The following PLEKHG6 variants were observed in gnomAD, a reference collection of about 807,000 sequenced individuals.
The protein encoded by PLEKHG6 is pleckstrin homology and RhoGEF domain containing G6.
In PLEKHG6, 91 loss-of-function variants were observed where a neutral mutation model predicts 97.5. The observed-to-expected ratio is 0.93, with a 90% CI of 0.79 to 1.11. PLEKHG6 has a LOEUF of 1.11. PLEKHG6 is among the 50% of genes most tolerant of loss of function. The probability of loss-of-function intolerance (pLI) is 0.00; values close to 1 mark genes in which losing one functional copy is unlikely to be tolerated. For synonymous variants in PLEKHG6, 466 were observed against 425.5 expected, an observed-to-expected ratio of 1.10 and a Z score of -1.17; for missense variants, 1,044 against 1,031.0, an observed-to-expected ratio of 1.01 and a Z score of -0.17.
intron 13 of PLEKHG6, among the ~76,000 whole-genome samples, chr12:6,325,463 CG>C (rs1184537521): frequency 6.6e-6 from 1 of 152,166 alleles, no homozygotes; most frequent in African/African-American, 2.4e-5. Flanking sequence ...TCTCAGGTGG[CG>C]CTATTTCCTT....
chr12:6,318,138 T>C (rs1947554883), intron 10 of PLEKHG6, 144 bp downstream of exon 10: 3 of 1,371,502 alleles, frequency 2.2e-6, no homozygotes. Context: ...GTCCAAGGGG[T>C]ACAGGTCAGA....
intron 13 of PLEKHG6, among the ~76,000 whole-genome samples, chr12:6,323,664 G>A (rs578253223): frequency 6.6e-6 from 1 of 152,354 alleles, no homozygotes; most frequent in African/African-American, 2.4e-5. Flanking sequence ...GGAGGCAGCC[G>A]AGGCTAAGAG....
At position 6,326,486 on chromosome 12, in the gene PLEKHG6, C is replaced by A; in HGVS notation, c.1583C>A (p.Thr528Asn). 1 of 1,611,408 alleles carries A rather than the reference C, an allele frequency of 6.2e-7. No homozygotes were observed. Among genetic ancestry groups the A allele is most frequent in the South Asian group, 1.1e-5 (1 of 90,816 alleles). Residue 528 changes from threonine to asparagine, a missense_variant, in exon 14 of 16, where the codon ACC becomes AAC. Transcript: ENST00000684764. Reference protein sequence around the residue: ...EYVQQKRELLTLYRDQDRESP... With the variant: ...EYVQQKRELLNLYRDQDRESP... ...GTTCAACAGAAGAGGGAGCTCCTGA[C>A]CCTCTATCGGGACCAGGACAGGGAG...
chr12:6,313,359 G>A (rs1947339391), intron 2 of PLEKHG6, among the ~76,000 whole-genome samples: 2 of 152,200 alleles, frequency 1.3e-5, no homozygotes, highest in South Asian at 2.1e-4. Flanking sequence ...CTGTGCACCT[G>A]CTCGGCAGGA....
chr12:6,327,868 C>A lies in PLEKHG6; in HGVS notation c.2285C>A (p.Pro762Gln). 6.7e-7 allele frequency: 1 copy of A among 1,500,292 alleles called. No individual in the cohort carries two copies. Among genetic ancestry groups the A allele is most frequent in the Non-Finnish European group, 8.9e-7 (1 of 1,125,788 alleles). 92.9% of individuals were successfully genotyped at this position (1,500,292 alleles called of 1,614,324 possible). The change falls in exon 15 of 16, where the codon CCA (proline) becomes CAA (glutamine). Residue 762 changes from proline (P) to glutamine (Q), a missense_variant. By Grantham distance (76) the Pro-to-Gln change is moderately conservative. Coordinates refer to ENST00000684764, the MANE Select transcript of PLEKHG6 (RefSeq NM_001384598.1). ...EGAEEPRDSR[P>Q]RKLTRAQLQR... ...GCCGAGGAGCCCCGGGACAGCAGGC[C>A]ACGGAAGCTGACTCGGGCCCAGCTG...
In PLEKHG6 at chr12:6,316,454, C is replaced by G. The variant is rs114480368; in HGVS notation, c.756+50C>G. ...TGGATGGGGCAGGACTCGGAGCCCT[C>G]GGGGGTCCTGTGTGTAGGGCATGCC... is the stretch of plus-strand genomic sequence containing the variant. On this transcript the variant is annotated intron_variant, in intron 7 of 15. Coordinates refer to ENST00000684764, the MANE Select transcript of PLEKHG6 (RefSeq NM_001384598.1). This position sits in a 1 kb window ranked among gnomAD's most constrained non-coding sequence, Gnocchi z 4.1. 5.3e-6 allele frequency: 8 copies of G among 1,500,468 alleles called. No homozygotes were observed. Among genetic ancestry groups the G allele is most frequent in the African/African-American group, 1.4e-5 (1 of 71,914 alleles). 92.9% of individuals were successfully genotyped at this position (1,500,468 alleles called of 1,614,324 possible).
intron 13 of PLEKHG6, chr12:6,319,366 T>C: frequency 1.5e-6 from 1 of 666,328 alleles, no homozygotes; most frequent in Non-Finnish European, 2.5e-6. Flanking sequence ...GAGAATCACT[T>C]GAGCCCGGGA....
intron 3 of PLEKHG6, 35 bp from the exon 4 acceptor site, chr12:6,314,970 G>A: frequency 6.3e-7 from 1 of 1,599,864 alleles, no homozygotes; most frequent in Non-Finnish European, 8.5e-7. Flanking sequence ...TGCCAAGGAT[G>A]TGACCAGAGC....
Position 6,318,858 on chromosome 12 carries a change from C to T in PLEKHG6, c.1389C>T (p.Cys463=). The T allele has an allele frequency of 6.2e-7, 1 of 1,614,218 alleles. No individual in the cohort carries two copies. Among genetic ancestry groups the T allele is most frequent in the East Asian group, 2.2e-5 (1 of 44,882 alleles). ...RPPLMLEKLV[C]QPLRDPNSFL... ...CTCTCATGCTGGAGAAGCTCGTGTG[C>T]CAACCCCTGCGAGACCCCAGTACGT... The change falls in exon 12 of 16, where the codon TGC becomes TGT. Residue 463 remains cysteine, a synonymous_variant. Coordinates refer to ENST00000684764, the MANE Select transcript of PLEKHG6 (RefSeq NM_001384598.1).
At position 6,326,556 on chromosome 12, in the gene PLEKHG6, G is replaced by A; in HGVS notation, c.1653G>A (p.Gln551=). 6.4e-7 allele frequency: 1 copy of A among 1,556,854 alleles called. No individual in the cohort carries two copies. Among genetic ancestry groups the A allele is most frequent in the Non-Finnish European group, 8.6e-7 (1 of 1,156,884 alleles). Residue 551 remains glutamine, a synonymous_variant, in exon 14 of 16, where the codon CAG becomes CAA. Coordinates refer to ENST00000684764, the MANE Select transcript of PLEKHG6 (RefSeq NM_001384598.1). ...CCACGCCTTCCCTGGAGGGCTCTCA[G>A]AGCAGCGCAGAGGGGAGGTAAGGCT... The part of the protein sequence containing the change: ...RPSTPSLEGS[Q]SSAEGRTPEF...
chr12:6,324,987 G>A (rs940203528), intron 13 of PLEKHG6, among the ~76,000 whole-genome samples: 2 of 152,210 alleles, frequency 1.3e-5, no homozygotes, highest in African/African-American at 4.8e-5. Context: ...GGGGATGGGG[G>A]AAGTGGTTGA....
At chr12:6,319,141 C>G in intron 13 of PLEKHG6, 33 bp downstream of exon 13, 1 of 1,449,536 alleles carries the variant, frequency 6.9e-7, no homozygotes, top group Non-Finnish European at 9.6e-7. Context: ...GAGGCATGGG[C>G]AGGGGTCCCC....
intron 1 of PLEKHG6, 170 bp downstream of exon 1, chr12:6,311,018 C>T (rs1341570915): frequency 6.6e-6 from 1 of 152,334 alleles, no homozygotes; most frequent in Non-Finnish European, 1.5e-5. Context: ...GGAGACAGCG[C>T]CCTCAGAGGG....
Position 6,317,887 on chromosome 12 carries a change from A to G in PLEKHG6, c.1048A>G (p.Ile350Val), listed in dbSNP as rs539641667. Residue 350 changes from isoleucine (I) to valine (V), a missense_variant, in exon 10 of 16, where the codon ATC becomes GTC. Ile to Val is a conservative substitution (Grantham distance 29). Coordinates refer to ENST00000684764, the MANE Select transcript of PLEKHG6 (RefSeq NM_001384598.1). ...IEAVESFLRH[I>V]NGQVRQGEEQ... ...AGCCGTGGAGTCATTCCTGCGACACATCAATGGGCAGGTCCGCCAGGGCGA... is the reference window on the plus strand; with the variant it reads ...AGCCGTGGAGTCATTCCTGCGACACGTCAATGGGCAGGTCCGCCAGGGCGA... 2.6e-6 allele frequency: 4 copies of G among 1,557,066 alleles called. No homozygotes were observed. In the East Asian group the frequency reaches 7.2e-5, roughly 28 times the overall value.
At chr12:6,314,927 C>T (rs1227157694) in intron 3 of PLEKHG6, 78 bp from the exon 4 acceptor site, 3 of 1,394,220 alleles carry the variant, frequency 2.2e-6, no homozygotes, top group Non-Finnish European at 3.0e-6. Context: ...CACATGCACA[C>T]ACACACAGCC....
At chr12:6,328,069 T>C in intron 15 of PLEKHG6, 67 bp from the exon 16 acceptor site, 1 of 1,605,308 alleles carries the variant, frequency 6.2e-7, no homozygotes, top group Non-Finnish European at 8.5e-7. Context: ...GCTCTCCGCC[T>C]CACTCTTCAC....
In PLEKHG6 at chr12:6,314,893, CAG is replaced by C. The variant is rs1947399279; in HGVS notation, c.295-110_295-109del. ...TGCTTGCCATCTCCCATTCCAGACACAGACACACGCACACACTTTAACACACA... is the reference window on the plus strand; with the variant it reads ...TGCTTGCCATCTCCCATTCCAGACACACACACGCACACACTTTAACACACA... On this transcript the variant is annotated intron_variant, in intron 3 of 15. Transcript: ENST00000684764. 4 of 991,908 alleles carry C rather than the reference CAG, an allele frequency of 4.0e-6. No individual in the cohort carries two copies. In the African/African-American group the frequency reaches 4.9e-5, roughly 12 times the overall value. The allele number at this position is 991,908 out of a possible 1,614,324, so 61.4% of individuals were successfully genotyped here. A position where few individuals can be genotyped will look rare whatever the true frequency, so the allele number is the denominator to read the frequency against.
In PLEKHG6 at chr12:6,318,830, C is replaced by A. The variant is rs1947589248; in HGVS notation, c.1361C>A (p.Pro454His). ...GCGGACAAAGCCAAGGTCATCCGAC[C>A]CCCTCTCATGCTGGAGAAGCTCGTG... ...RKADKAKVIR[P>H]PLMLEKLVCQ... The change falls in exon 12 of 16, where the codon CCC becomes CAC. Residue 454 changes from proline to histidine, a missense_variant. Transcript: ENST00000684764. 1 of 1,614,108 alleles carries A rather than the reference C, an allele frequency of 6.2e-7. No individual in the cohort carries two copies. Among genetic ancestry groups the A allele is most frequent in the South Asian group, 1.1e-5 (1 of 91,092 alleles).
intron 13 of PLEKHG6, among the ~76,000 whole-genome samples, chr12:6,322,931 G>A (rs966264091): frequency 7.4e-6 from 1 of 135,418 alleles, no homozygotes; most frequent in Non-Finnish European, 1.5e-5. Context: ...GAGGCTCAAG[G>A]GGGAGCCCAG....
Sources: allele counts gnomAD v4.1 joint callset (sites outside exome capture counted in the v4.1 genomes callset), GRCh38; gene constraint gnomAD v4.1.1; non-coding constraint Gnocchi (gnomAD v3.1); transcripts MANE v1.5; gene names NCBI Gene and HGNC (gene_info 2026-07-23, HGNC 2026-07-21).